Variants in ARHGAP15 observed in about 807,000 individuals in gnomAD.
The protein encoded by ARHGAP15 is rho GTPase-activating protein 15.
In ARHGAP15, 51 loss-of-function variants were observed where a neutral mutation model predicts 63.7. The observed-to-expected ratio is 0.80, with a 90% CI of 0.64 to 1.01. ARHGAP15 has a LOEUF of 1.01. Ranked by LOEUF, ARHGAP15 falls within the 50% of genes least tolerant of loss-of-function variation. The pLI, the probability that ARHGAP15 is intolerant of heterozygous loss-of-function variation, is 0.00. For synonymous variants in ARHGAP15, 191 were observed against 193.8 expected (o/e 0.99, Z 0.12); for missense variants, 560 against 564.6 (o/e 0.99, Z 0.08).
intron 12 of ARHGAP15, among the ~76,000 whole-genome samples, chr2:143,664,274 C>T (rs1468205542): frequency 5.9e-5 from 9 of 151,686 alleles, no homozygotes; most frequent in East Asian, 5.8e-4. Context: ...CACTCAAAAC[C>T]GCTCAACTAC....
chr2:143,188,236 A>G (rs899122314), intron 2 of ARHGAP15, among the ~76,000 whole-genome samples: 8 of 152,042 alleles, frequency 5.3e-5, no homozygotes, highest in Admixed American at 3.3e-4. Context: ...TTTTAGTTCA[A>G]TTACTAATTG....
chr2:143,395,156 A>G (rs1293664657), intron 6 of ARHGAP15, among the ~76,000 whole-genome samples: 1 of 152,180 alleles, frequency 6.6e-6, no homozygotes, highest in Non-Finnish European at 1.5e-5. Context: ...AAAGGAGCTT[A>G]AAATTTATTG....
At chr2:143,169,859 T>C (rs1690703514) in intron 2 of ARHGAP15, among the ~76,000 whole-genome samples, 4 of 152,000 alleles carry the variant, frequency 2.6e-5, no homozygotes. Flanking sequence ...ACAGGTTCAA[T>C]AATCTGACCA....
chr2:143,153,821 CTTCTTCTTCT>C (rs1558779268), intron 1 of ARHGAP15, among the ~76,000 whole-genome samples: 53 of 86,766 alleles, frequency 6.1e-4, no homozygotes, highest in East Asian at 1.2e-3. Flanking sequence ...TCTTCTTCTT[CTTCTTCTTCT>C]TCTTCTTCTT....
intron 5 of ARHGAP15, among the ~76,000 whole-genome samples, chr2:143,233,475 G>A (rs1401071238): frequency 6.6e-6 from 1 of 151,814 alleles, no homozygotes; most frequent in Non-Finnish European, 1.5e-5. Flanking sequence ...TAATATAACT[G>A]ATCTTTTCTG....
At chr2:143,196,469 T>C (rs1691891119) in intron 2 of ARHGAP15, among the ~76,000 whole-genome samples, 1 of 152,020 alleles carries the variant, frequency 6.6e-6, no homozygotes, top group South Asian at 2.1e-4. Flanking sequence ...GTTCAAATAT[T>C]TATCAGGAAA....
intron 11 of ARHGAP15, among the ~76,000 whole-genome samples, chr2:143,581,092 G>A (rs1201001525): frequency 1.3e-5 from 2 of 152,098 alleles, no homozygotes; most frequent in Admixed American, 6.6e-5. Flanking sequence ...CTTGACTGCA[G>A]GCACAGAATT....
intron 6 of ARHGAP15, among the ~76,000 whole-genome samples, chr2:143,430,645 C>A (rs1689344933): frequency 6.6e-6 from 1 of 151,894 alleles, no homozygotes; most frequent in Non-Finnish European, 1.5e-5. Flanking sequence ...CAGATATGGA[C>A]AAAATTACTA....
intron 12 of ARHGAP15, chr2:143,641,157 C>G (rs1680579261): frequency 6.6e-6 from 1 of 152,124 alleles, no homozygotes; most frequent in African/African-American, 2.4e-5. Flanking sequence ...ATTTATGAAC[C>G]TCTTGGCACC....
At chr2:143,588,380 T>G (rs1230738447) in intron 11 of ARHGAP15, among the ~76,000 whole-genome samples, 2 of 152,196 alleles carry the variant, frequency 1.3e-5, no homozygotes, top group Non-Finnish European at 2.9e-5. Flanking sequence ...ATTTTTACTT[T>G]AAGTTCCAGG....
intron 6 of ARHGAP15, among the ~76,000 whole-genome samples, chr2:143,301,755 T>C (rs1682908861): frequency 1.3e-5 from 2 of 151,778 alleles, no homozygotes; most frequent in African/African-American, 4.8e-5. Flanking sequence ...TCTGTCCATA[T>C]GTATGTATAA....
chr2:143,670,472 A>C (rs1682461952), intron 12 of ARHGAP15, among the ~76,000 whole-genome samples: 1 of 152,022 alleles, frequency 6.6e-6, no homozygotes, highest in Non-Finnish European at 1.5e-5. Flanking sequence ...ACCTAAGTGC[A>C]CTCTGCCCAC....
rs1182514879 is a variant in ARHGAP15, at chr2:143,662,267, C to T, written c.1138+38000C>T. On this transcript the variant is annotated intron_variant, in intron 12 of 13. Coordinates refer to ENST00000295095, the MANE Select transcript of ARHGAP15 (RefSeq NM_018460.4). ...AAGTGGGTCCCTGACCCCTGACCCCCGAGCAGCCTAACTGGGAGGCACCCC... is the reference window on the plus strand; with the variant it reads ...AAGTGGGTCCCTGACCCCTGACCCCTGAGCAGCCTAACTGGGAGGCACCCC... Among the ~76,000 whole-genome samples the T allele has an allele frequency of 1.1e-4, 16 of 151,428 alleles. No individual in the cohort carries two copies. In the South Asian group the frequency reaches 1.3e-3, roughly 12 times the overall value.
rs1448877501 is a variant in ARHGAP15 at position 143,556,439 on chromosome 2, T to C, written c.957T>C (p.Ser319=). 5 of 1,612,390 alleles carry C rather than the reference T, an allele frequency of 3.1e-6. No homozygotes were observed. The East Asian group carries it at 1.1e-4, about 36-fold the overall frequency. ...ATGTTGATGGAATATATCGAGTTAGTGGCAATCTGGCAACAATACAGAAGT... is the reference window on the plus strand; with the variant it reads ...ATGTTGATGGAATATATCGAGTTAGCGGCAATCTGGCAACAATACAGAAGT... ...GLDVDGIYRV[S]GNLATIQKLR... The change falls in exon 11 of 14, where the codon AGT becomes AGC. Residue 319 remains serine, a synonymous_variant. Transcript: ENST00000295095.
intron 1 of ARHGAP15, among the ~76,000 whole-genome samples, chr2:143,131,807 G>A (rs1450287774): frequency 6.6e-6 from 1 of 152,164 alleles, no homozygotes; most frequent in Non-Finnish European, 1.5e-5. Flanking sequence ...GATCTCAAGT[G>A]AGGAGACTGA....
intron 11 of ARHGAP15, chr2:143,607,786 A>T (rs563350180): frequency 1.3e-5 from 2 of 152,152 alleles, no homozygotes; most frequent in Non-Finnish European, 2.9e-5. Context: ...TAGGATTCGG[A>T]TATAAATCAT....
rs140707198 is a variant in ARHGAP15 at position 143,226,165 on chromosome 2, G to C, written c.297-2416G>C. ...CCTAACAGGCACACAGTTCACAGCAGTTCAAAGTCCTTATAAAGAACAATG... is the reference window on the plus strand; with the variant it reads ...CCTAACAGGCACACAGTTCACAGCACTTCAAAGTCCTTATAAAGAACAATG... On this transcript the variant is annotated intron_variant, in intron 4 of 13. Transcript: ENST00000295095. Among the ~76,000 whole-genome samples, 96 of 152,310 alleles carry C rather than the reference G, an allele frequency of 6.3e-4. No homozygotes were observed. The East Asian group carries it at 0.013, about 21-fold the overall frequency.
At chr2:143,632,039 T>G (rs1336547507) in intron 12 of ARHGAP15, among the ~76,000 whole-genome samples, 1 of 152,106 alleles carries the variant, frequency 6.6e-6, no homozygotes, top group South Asian at 2.1e-4. Flanking sequence ...TGATGCATAA[T>G]TGTACATATT....
chr2:143,366,360 CTA>C (rs771423163), intron 6 of ARHGAP15, among the ~76,000 whole-genome samples: 4 of 151,994 alleles, frequency 2.6e-5, no homozygotes, highest in Non-Finnish European at 5.9e-5. Flanking sequence ...CTATACTTTG[CTA>C]TGGACAGCTA....
Sources: allele counts gnomAD v4.1 joint callset (sites outside exome capture counted in the v4.1 genomes callset), GRCh38; gene constraint gnomAD v4.1.1; transcripts MANE v1.5; gene names NCBI Gene and HGNC (gene_info 2026-07-23, HGNC 2026-07-21).